Variants in AADACL2 observed in about 807,000 individuals in gnomAD.
AADACL2 encodes the protein arylacetamide deacetylase-like 2.
A neutral mutation model predicts 22.3 loss-of-function variants in AADACL2; 23 were observed. The ratio of observed to expected loss-of-function variants is 1.03; its 90% CI spans 0.74 to 1.46. The LOEUF is 1.46. Ranked by LOEUF, AADACL2 falls within the 40% of genes most tolerant of loss-of-function variation. The pLI is 0.00. For missense variants in AADACL2, 472 were observed against 482.9 expected, an observed-to-expected ratio of 0.98 and a Z score of 0.21; for synonymous variants, 177 against 166.2, an observed-to-expected ratio of 1.07 and a Z score of -0.50.
intron 4 of AADACL2, among the ~76,000 whole-genome samples, chr3:151,750,596 T>C (rs903602046): frequency 1.3e-5 from 2 of 152,148 alleles, no homozygotes; most frequent in African/African-American, 4.8e-5. Context: ...GACTTCTTTT[T>C]GAGAAACACT....
At chr3:151,748,150 G>C (rs976927256) in intron 4 of AADACL2, among the ~76,000 whole-genome samples, 1 of 151,718 alleles carries the variant, frequency 6.6e-6, no homozygotes, top group Non-Finnish European at 1.5e-5. Context: ...TGCTTTTGTT[G>C]CCTGTACTTT....
chr3:151,746,449 CCTTTT>C (rs1358665724), intron 4 of AADACL2, among the ~76,000 whole-genome samples: 1 of 148,354 alleles, frequency 6.7e-6, no homozygotes, highest in Non-Finnish European at 1.5e-5. Context: ...AGTACTTGTT[CCTTTT>C]AATTTTTCTT....
rs769148557 is a variant in AADACL2 at position 151,734,022 on chromosome 3, G to C, written c.-14G>C. On this transcript the variant is annotated 5_prime_UTR_variant, in exon 1 of 5. Coordinates refer to ENST00000356517, the MANE Select transcript of AADACL2 (RefSeq NM_207365.4). ...TAATCTCAGTACTGTGAAGAAGCTG[G>C]AAAAAGGGATATTATGGGGCTAAAA... 3.8e-6 allele frequency: 6 copies of C among 1,596,682 alleles called. No individual in the cohort carries two copies. In the African/African-American group the frequency reaches 6.7e-5, roughly 18 times the overall value.
At chr3:151,744,036 T>C in intron 2 of AADACL2, 57 bp from the exon 3 acceptor site, 2 of 1,551,918 alleles carry the variant, frequency 1.3e-6, no homozygotes, top group Non-Finnish European at 1.8e-6. Context: ...TATCTGTAAC[T>C]GTTTCTATAG....
At chr3:151,737,641 G>T (rs1277653268) in intron 1 of AADACL2, among the ~76,000 whole-genome samples, 1 of 152,152 alleles carries the variant, frequency 6.6e-6, no homozygotes, top group Non-Finnish European at 1.5e-5. Flanking sequence ...GAAACCTGGT[G>T]CTCCCGTATT....
intron 1 of AADACL2, among the ~76,000 whole-genome samples, chr3:151,735,486 G>A (rs528531506): frequency 1.3e-5 from 2 of 152,310 alleles, no homozygotes; most frequent in South Asian, 4.1e-4. Context: ...GGGTTAGCAT[G>A]GTGGCTCACG....
rs146229940 is a variant in AADACL2 at position 151,734,786 on chromosome 3, C to T, written c.138+613C>T. 4.7e-4 allele frequency among the ~76,000 whole-genome samples: 72 copies of T among 152,166 alleles called. No individual in the cohort carries two copies. In the Middle Eastern group the frequency reaches 0.014, roughly 29 times the overall value. On this transcript the variant is annotated intron_variant, in intron 1 of 4. Coordinates refer to ENST00000356517, the MANE Select transcript of AADACL2 (RefSeq NM_207365.4). ...TGTATAATATGTACTTCCATTGATT[C>T]CCCGCTATCCTGCAATTATTTTTAT... is the stretch of plus-strand genomic sequence containing the variant.
At chr3:151,751,017 T>G (rs1395687673) in intron 4 of AADACL2, among the ~76,000 whole-genome samples, 1 of 152,088 alleles carries the variant, frequency 6.6e-6, no homozygotes, top group Non-Finnish European at 1.5e-5. Context: ...TAAATTTTCT[T>G]AGGAGAAAAA....
intron 4 of AADACL2, among the ~76,000 whole-genome samples, chr3:151,753,740 C>T (rs1713765082): frequency 6.6e-6 from 1 of 152,068 alleles, no homozygotes; most frequent in South Asian, 2.1e-4. Context: ...TACATCCATC[C>T]TTCCATGGAT....
At chr3:151,748,757 C>A (rs566537346) in intron 4 of AADACL2, among the ~76,000 whole-genome samples, 4 of 152,142 alleles carry the variant, frequency 2.6e-5, no homozygotes, top group Non-Finnish European at 5.9e-5. Flanking sequence ...GATGCAGATA[C>A]CCAATCTTGA....
At chr3:151,751,161 T>TA (rs1713653508) in intron 4 of AADACL2, among the ~76,000 whole-genome samples, 1 of 151,720 alleles carries the variant, frequency 6.6e-6, no homozygotes, top group Non-Finnish European at 1.5e-5. Context: ...CTTACTGGAG[T>TA]AAAATGAGGA....
chr3:151,733,937 A>G lies in AADACL2; in HGVS notation c.-99A>G. On this transcript the variant is annotated 5_prime_UTR_variant, in exon 1 of 5. Coordinates refer to ENST00000356517, the MANE Select transcript of AADACL2 (RefSeq NM_207365.4). ...GTTGTTAAGATGATCATATCACCTG[A>G]GAGAGTTCCCAAGTCTACAATTGCT... 4 of 1,263,842 alleles carry G rather than the reference A, an allele frequency of 3.2e-6. No individual in the cohort carries two copies. The highest frequency in any genetic ancestry group is 4.3e-6 in the Non-Finnish European group (4 of 929,140). 78.3% of individuals were successfully genotyped at this position (1,263,842 alleles called of 1,614,324 possible).
chr3:151,752,314 T>C (rs1713703606), intron 4 of AADACL2, among the ~76,000 whole-genome samples: 1 of 152,202 alleles, frequency 6.6e-6, no homozygotes, highest in African/African-American at 2.4e-5. Flanking sequence ...TCTGTTTCAA[T>C]TCACATTATA....
In AADACL2 at chr3:151,758,103, T is replaced by A. The variant is rs1714011252; in HGVS notation, c.*509T>A. 1 of 152,872 alleles carries A rather than the reference T, an allele frequency of 6.5e-6. No homozygotes were observed. The highest frequency in any genetic ancestry group is 6.5e-5 in the Admixed American group (1 of 15,330). The allele number at this position is 152,872 out of a possible 1,614,324, so 9.5% of individuals were successfully genotyped here. On this transcript the variant is annotated 3_prime_UTR_variant, in exon 5 of 5. Transcript: ENST00000356517. ...TATTTATTCTTTTACAGTTCTGGGG[T>A]CCTAAAGCATGAAATTAGTATTAAC... is the stretch of plus-strand genomic sequence containing the variant.
chr3:151,760,950 A>C lies in AADACL2; in HGVS notation c.*3356A>C, dbSNP rs1007894257. On this transcript the variant is annotated 3_prime_UTR_variant, in exon 5 of 5. Transcript: ENST00000356517. ...AATTTTCCCTTTTTATAAAGATAGC[A>C]GTCAGATTAGATTAGGGCCTATCCT... 17 of 151,916 alleles carry C rather than the reference A, an allele frequency of 1.1e-4. No homozygotes were observed. Among genetic ancestry groups the C allele is most frequent in the African/African-American group, 4.1e-4 (17 of 41,344 alleles). 9.4% of individuals were successfully genotyped at this position (151,916 alleles called of 1,614,324 possible).
At chr3:151,745,720 A>T (rs766290724) in intron 4 of AADACL2, 40 bp downstream of exon 4, 12 of 1,534,542 alleles carry the variant, frequency 7.8e-6, no homozygotes, top group Non-Finnish European at 1.0e-5. Flanking sequence ...GCAGAAATTG[A>T]GGCTCATTTT....
chr3:151,740,572 T>A lies in AADACL2; in HGVS notation c.139-74T>A. On this transcript the variant is annotated intron_variant, in intron 1 of 4. Coordinates refer to ENST00000356517, the MANE Select transcript of AADACL2 (RefSeq NM_207365.4). The stretch of plus-strand genomic sequence containing the variant: ...ACCTTGCTTATTTTTTCTTCCTTTT[T>A]AACTTTCTTTTTAAATATATTTGGT... 2 of 1,027,200 alleles carry A rather than the reference T, an allele frequency of 1.9e-6. 1 individual carries two copies. The highest frequency in any genetic ancestry group is 4.1e-5 in the South Asian group (2 of 49,240). The allele number at this position is 1,027,200 out of a possible 1,614,324, so 63.6% of individuals were successfully genotyped here.
chr3:151,750,439 G>A (rs553398873), intron 4 of AADACL2, among the ~76,000 whole-genome samples: 44 of 152,156 alleles, frequency 2.9e-4, no homozygotes, highest in African/African-American at 9.9e-4. Flanking sequence ...ACGCATCTAT[G>A]TTCCTAACGA....
At position 151,742,529 on chromosome 3, in the gene AADACL2, A is replaced by G. The variant is rs115249736; in HGVS notation, c.362-1564A>G. On this transcript the variant is annotated intron_variant, in intron 2 of 4. Transcript: ENST00000356517. Reference sequence around the variant, plus strand: ...GAAATACATCACTGAGTGGCTTTAAAGGTTATGAAATGAAACTGGAAATAA... The same window carrying G: ...GAAATACATCACTGAGTGGCTTTAAGGGTTATGAAATGAAACTGGAAATAA... Among the ~76,000 whole-genome samples the G allele has an allele frequency of 4.0e-3, 609 of 152,316 alleles. 6 individuals carry two copies. The highest frequency in any genetic ancestry group is 0.014 in the African/African-American group (584 of 41,580).
Sources: gnomAD v4.1 joint callset for allele counts (sites outside exome capture counted in the v4.1 genomes callset) on GRCh38, gnomAD v4.1.1 for gene constraint, MANE v1.5 for transcripts, NCBI Gene and HGNC (gene_info 2026-07-23, HGNC 2026-07-21) for gene names.